Variants in GHR observed in about 807,000 individuals in gnomAD.
The protein encoded by GHR is GH receptor.
A neutral mutation model predicts 67.1 loss-of-function variants in GHR; 35 were observed. The ratio of observed to expected loss-of-function variants is 0.52; its 90% confidence interval spans 0.40 to 0.69. GHR has a LOEUF of 0.69. Among genes scored for constraint, GHR ranks in the 30% least tolerant of loss-of-function variants. GHR has a pLI of 0.00. For synonymous variants in GHR, 272 were observed against 269.1 expected (o/e 1.01, Z -0.10); for missense variants, 792 against 764.6 (o/e 1.04, Z -0.42).
intron 1 of GHR, among the ~76,000 whole-genome samples, chr5:42,435,041 T>C (rs1301609369): frequency 3.3e-5 from 5 of 152,206 alleles, no homozygotes; most frequent in African/African-American, 1.2e-4. Context: ...TGAGTCAAAA[T>C]AGTGCCTGGC....
chr5:42,444,884 A>G (rs965992055), intron 1 of GHR, among the ~76,000 whole-genome samples: 11 of 151,990 alleles, frequency 7.2e-5, no homozygotes, highest in African/African-American at 2.4e-4. Flanking sequence ...CTTCTTTGGC[A>G]CATTTATTAA....
chr5:42,480,435 G>T (rs1745570064), intron 1 of GHR, among the ~76,000 whole-genome samples: 1 of 152,018 alleles, frequency 6.6e-6, no homozygotes, highest in Non-Finnish European at 1.5e-5. Context: ...CAATTCCTGG[G>T]TATCCTTGTT....
intron 1 of GHR, among the ~76,000 whole-genome samples, chr5:42,561,178 C>T (rs1749587438): frequency 6.6e-6 from 1 of 152,218 alleles, no homozygotes; most frequent in Non-Finnish European, 1.5e-5. Flanking sequence ...TTTCCATATC[C>T]ACCAAAGCCT....
chr5:42,709,600 T>C (rs968917007), intron 6 of GHR, among the ~76,000 whole-genome samples: 2 of 152,164 alleles, frequency 1.3e-5, no homozygotes, highest in Non-Finnish European at 2.9e-5. Flanking sequence ...ATACCTGATA[T>C]TGCACTGGAC....
At chr5:42,442,533 G>C (rs1441937573) in intron 1 of GHR, among the ~76,000 whole-genome samples, 1 of 152,144 alleles carries the variant, frequency 6.6e-6, no homozygotes, top group Non-Finnish European at 1.5e-5. Context: ...ATAGACAGGA[G>C]AAGGAGAGTA....
chr5:42,454,097 A>G (rs1409880215), intron 1 of GHR, among the ~76,000 whole-genome samples: 2 of 152,178 alleles, frequency 1.3e-5, no homozygotes, highest in African/African-American at 4.8e-5. Flanking sequence ...TGGAGTTACC[A>G]GGCTCTGGGC....
At chr5:42,672,560 T>G (rs1348273063) in intron 3 of GHR, among the ~76,000 whole-genome samples, 1 of 152,038 alleles carries the variant, frequency 6.6e-6, no homozygotes, top group African/African-American at 2.4e-5. Flanking sequence ...TAAATGTAAA[T>G]GTCAGTAAAT....
intron 2 of GHR, among the ~76,000 whole-genome samples, chr5:42,573,873 A>C (rs2054594674): frequency 6.6e-6 from 1 of 152,194 alleles, no homozygotes; most frequent in African/African-American, 2.4e-5. Context: ...ATTTTTTGGC[A>C]AAACCTTCCA....
At chr5:42,493,105 G>A (rs1196322466) in intron 1 of GHR, among the ~76,000 whole-genome samples, 1 of 152,122 alleles carries the variant, frequency 6.6e-6, no homozygotes, top group East Asian at 1.9e-4. Flanking sequence ...GTTTTCAAAG[G>A]GTTACGCCTC....
intron 1 of GHR, among the ~76,000 whole-genome samples, chr5:42,564,536 C>T (rs1197339606): frequency 6.6e-6 from 1 of 152,092 alleles, no homozygotes; most frequent in African/African-American, 2.4e-5. Flanking sequence ...TACAAGAAGA[C>T]AATTTAGTTT....
rs546661654 is a variant in GHR, at chr5:42,495,826, T to A, written c.-11-70038T>A. The stretch of plus-strand genomic sequence containing the variant: ...TCTCCATTATACAAATGATGTTGAA[T>A]GTTTCATCTCTTGCTACAGATTAGT... On this transcript the variant is annotated intron_variant, in intron 1 of 9. Transcript: ENST00000230882. 1.2e-4 allele frequency among the ~76,000 whole-genome samples: 19 copies of A among 152,288 alleles called. No individual in the cohort carries two copies. The South Asian group carries it at 3.7e-3, about 30-fold the overall frequency.
chr5:42,609,311 C>T (rs1752776568), intron 2 of GHR, among the ~76,000 whole-genome samples: 1 of 152,086 alleles, frequency 6.6e-6, no homozygotes, highest in Non-Finnish European at 1.5e-5. Flanking sequence ...CAATGAAGAC[C>T]AAGGGTTCTG....
In GHR at chr5:42,424,216, G is replaced by GTGTGTC. The variant is rs1380096059; in HGVS notation, c.-12+264_-12+265insGTCTGT. On this transcript the variant is annotated intron_variant, in intron 1 of 9. Transcript: ENST00000230882. The surrounding 1 kb of genome is among the most constrained non-coding windows in gnomAD (Gnocchi z 4.1). ...TGTGTGTGTGTGTGTGTGTGTGTGT[G>GTGTGTC]TGTCTGGAAGTTGGTGAGGGCGGCA... 6.7e-6 allele frequency among the ~76,000 whole-genome samples: 1 copy of GTGTGTC among 149,000 alleles called. No homozygotes were observed. The highest frequency in any genetic ancestry group is 1.5e-5 in the Non-Finnish European group (1 of 67,098).
chr5:42,565,183 G>T (rs1749855658), intron 1 of GHR, among the ~76,000 whole-genome samples: 1 of 152,162 alleles, frequency 6.6e-6, no homozygotes, highest in Admixed American at 6.5e-5. Flanking sequence ...ATCCCTCTTG[G>T]TGTCTGAGGT....
intron 1 of GHR, among the ~76,000 whole-genome samples, chr5:42,516,437 C>T (rs966510414): frequency 6.6e-6 from 1 of 152,106 alleles, no homozygotes; most frequent in Non-Finnish European, 1.5e-5. Context: ...CCTGGCTTGG[C>T]TACTTCCCAG....
At chr5:42,463,076 C>T (rs1744555836) in intron 1 of GHR, among the ~76,000 whole-genome samples, 1 of 152,006 alleles carries the variant, frequency 6.6e-6, no homozygotes, top group African/African-American at 2.4e-5. Flanking sequence ...ATTTACTTAA[C>T]CTTTCTTTAT....
At chr5:42,708,790 T>C (rs1002787542) in intron 6 of GHR, among the ~76,000 whole-genome samples, 3 of 152,194 alleles carry the variant, frequency 2.0e-5, no homozygotes, top group Admixed American at 6.6e-5. Flanking sequence ...TGTAACTTTG[T>C]TAATCAACTG....
At chr5:42,576,123 TA>T (rs1184410153) in intron 2 of GHR, among the ~76,000 whole-genome samples, 15 of 84,984 alleles carry the variant, frequency 1.8e-4, no homozygotes, top group African/African-American at 7.7e-4. Flanking sequence ...TAAAATAAAA[TA>T]AAATAAAATA....
At chr5:42,554,028 T>C (rs1408777559) in intron 1 of GHR, among the ~76,000 whole-genome samples, 1 of 152,176 alleles carries the variant, frequency 6.6e-6, no homozygotes, top group African/African-American at 2.4e-5. Flanking sequence ...ATGAGTTCTG[T>C]TGCCACAAAA....
Sources: gnomAD v4.1 joint callset for allele counts (sites outside exome capture counted in the v4.1 genomes callset) on GRCh38, gnomAD v4.1.1 for gene constraint, Gnocchi (gnomAD v3.1) non-coding constraint, MANE v1.5 for transcripts, NCBI Gene and HGNC (gene_info 2026-07-23, HGNC 2026-07-21) for gene names.